The following KIF13A variants were observed in gnomAD, a reference collection of about 807,000 sequenced individuals.
KIF13A encodes the protein kinesin family member 13A.
KIF13A carries 79 observed loss-of-function variants against 212.2 expected under a neutral mutation model. The observed-to-expected ratio is 0.37, with a 90% CI of 0.31 to 0.45. The LOEUF (loss-of-function observed/expected upper bound fraction) is 0.45, where lower values mean the gene tolerates loss of function less well. Among genes scored for constraint, KIF13A ranks in the 20% least tolerant of loss-of-function variants. The probability of loss-of-function intolerance (pLI) is 1.00; values close to 1 mark genes in which losing one functional copy is unlikely to be tolerated. For missense variants in KIF13A, 1,901 were observed against 2,209.0 expected (o/e 0.86, Z 2.79); for synonymous variants, 789 against 808.6 (o/e 0.98, Z 0.41).
intron 16 of KIF13A, among the ~76,000 whole-genome samples, chr6:17,818,978 T>G (rs1243929453): frequency 2.0e-5 from 3 of 151,412 alleles, no homozygotes; most frequent in African/African-American, 7.3e-5. Context: ...AGTCCTGACA[T>G]GAGTTCCTAA....
intron 2 of KIF13A, among the ~76,000 whole-genome samples, chr6:17,983,175 A>C (rs1781242162): frequency 6.6e-6 from 1 of 150,380 alleles, no homozygotes; most frequent in African/African-American, 2.4e-5. Flanking sequence ...TCCATCTCAA[A>C]AAAAAAAAAA....
chr6:17,779,192 G>T, intron 32 of KIF13A, 93 bp from the exon 33 acceptor site: 1 of 873,538 alleles, frequency 1.1e-6, no homozygotes, highest in Non-Finnish European at 1.8e-6. Context: ...TCTGGAGAAT[G>T]AACACATTCT....
At chr6:17,965,862 T>C (rs1779256089) in intron 2 of KIF13A, among the ~76,000 whole-genome samples, 1 of 152,150 alleles carries the variant, frequency 6.6e-6, no homozygotes, top group Non-Finnish European at 1.5e-5. Context: ...CTCAAATAAG[T>C]AGGTGGTTGG....
chr6:17,787,861 G>GT lies in KIF13A; in HGVS notation c.3275dup (p.Asn1092LysfsTer13), dbSNP rs1166990410. Reference sequence around the variant, plus strand: ...CATCTGACCACCTCTCCCTTACGCAGTTTAAGTCTTCTTCCTAACATCAGG... The same window carrying GT: ...CATCTGACCACCTCTCCCTTACGCAGTTTTAAGTCTTCTTCCTAACATCAGG... On this transcript the variant is annotated frameshift_variant, in exon 27 of 39. Coordinates refer to ENST00000259711, the MANE Select transcript of KIF13A (RefSeq NM_022113.6). LOFTEE classifies it high-confidence loss of function. The surrounding 1 kb of genome is among the most constrained non-coding windows in gnomAD (Gnocchi z 4.6). The GT allele has an allele frequency of 6.2e-7, 1 of 1,606,416 alleles. No individual in the cohort carries two copies. Among genetic ancestry groups the GT allele is most frequent in the African/African-American group, 1.3e-5 (1 of 74,770 alleles).
intron 17 of KIF13A, among the ~76,000 whole-genome samples, chr6:17,814,339 C>T (rs903896626): frequency 3.3e-5 from 5 of 150,396 alleles, no homozygotes; most frequent in African/African-American, 2.4e-5. Flanking sequence ...ACCTCTGCCT[C>T]CCGGGTTCAA....
chr6:17,807,071 A>C (rs1411910372), intron 18 of KIF13A, among the ~76,000 whole-genome samples: 1 of 152,222 alleles, frequency 6.6e-6, no homozygotes, highest in African/African-American at 2.4e-5. Flanking sequence ...GATGTACGTC[A>C]TCTCAGGACC....
chr6:17,842,976 G>T (rs1293904528), intron 9 of KIF13A, among the ~76,000 whole-genome samples: 1 of 152,034 alleles, frequency 6.6e-6, no homozygotes, highest in Non-Finnish European at 1.5e-5. Context: ...TATTGCATAG[G>T]ATGGATTTCA....
Position 17,926,900 on chromosome 6 carries a change from G to A in KIF13A, c.147-28720C>T, listed in dbSNP as rs888373501. On this transcript the variant is annotated intron_variant, in intron 2 of 38. Coordinates refer to ENST00000259711, the MANE Select transcript of KIF13A (RefSeq NM_022113.6). This position sits in a 1 kb window ranked among gnomAD's most constrained non-coding sequence, Gnocchi z 4.3. ...TACCTGTAATCTCGGCACTTTGGGA[G>A]GTCGAGGCAGGCAGATCACTTCAGA... Among the ~76,000 whole-genome samples, 2 of 152,158 alleles carry A rather than the reference G, an allele frequency of 1.3e-5. No individual in the cohort carries two copies. Among genetic ancestry groups the A allele is most frequent in the Admixed American group, 1.3e-4 (2 of 15,274 alleles).
At chr6:17,972,472 G>A (rs1482049458) in intron 2 of KIF13A, among the ~76,000 whole-genome samples, 1 of 152,148 alleles carries the variant, frequency 6.6e-6, no homozygotes, top group Non-Finnish European at 1.5e-5. Flanking sequence ...AAATAGGTGG[G>A]CGCCAAAGGC....
chr6:17,913,298 T>TG (rs2150507907), intron 2 of KIF13A, among the ~76,000 whole-genome samples: 1 of 152,256 alleles, frequency 6.6e-6, no homozygotes, highest in Admixed American at 6.5e-5. Context: ...ACTCACAGAA[T>TG]TTTCAGAATT....
intron 2 of KIF13A, among the ~76,000 whole-genome samples, chr6:17,962,726 T>C (rs753263896): frequency 3.9e-5 from 6 of 152,202 alleles, no homozygotes; most frequent in Non-Finnish European, 8.8e-5. Flanking sequence ...GACAAATTCC[T>C]GTGGTCCTCT....
intron 4 of KIF13A, among the ~76,000 whole-genome samples, chr6:17,867,557 T>C (rs1479700842): frequency 6.6e-6 from 1 of 152,170 alleles, no homozygotes; most frequent in Admixed American, 6.5e-5. Context: ...CCACAAGATT[T>C]ATAATAAGGA....
At chr6:17,922,420 T>C (rs1473311154) in intron 2 of KIF13A, among the ~76,000 whole-genome samples, 1 of 151,842 alleles carries the variant, frequency 6.6e-6, no homozygotes, top group Non-Finnish European at 1.5e-5. Flanking sequence ...AATGCAACAG[T>C]TTACAGCAGT....
rs563134883 is a variant in KIF13A at position 17,986,791 on chromosome 6, C to A, written c.146+263G>T. Among the ~76,000 whole-genome samples the A allele has an allele frequency of 1.8e-4, 27 of 152,370 alleles. No homozygotes were observed. In the East Asian group the frequency reaches 5.2e-3, roughly 29 times the overall value. Reference sequence around the variant, plus strand: ...TATGGGGTCCCATCCGGCCCTCTCCCTCCCGGGTGCCTCGCAGCCCGCCCG... The same window carrying A: ...TATGGGGTCCCATCCGGCCCTCTCCATCCCGGGTGCCTCGCAGCCCGCCCG... On this transcript the variant is annotated intron_variant, in intron 2 of 38. Coordinates refer to ENST00000259711, the MANE Select transcript of KIF13A (RefSeq NM_022113.6).
At position 17,850,465 on chromosome 6, in the gene KIF13A, C is replaced by T. The variant is rs1214773494; in HGVS notation, c.583-8G>A. 2.5e-6 allele frequency: 4 copies of T among 1,608,806 alleles called. No individual in the cohort carries two copies. The African/African-American group carries it at 4.0e-5, about 16-fold the overall frequency. ...CATCAATGACTCAATATCCTAGGGG[C>T]AAAGCATAAGGAAAAGACCATAAGC... On this transcript the variant is annotated splice_polypyrimidine_tract_variant and splice_region_variant and intron_variant, in intron 7 of 38. Transcript: ENST00000259711. This position sits in a 1 kb window ranked among gnomAD's most constrained non-coding sequence, Gnocchi z 6.2.
rs889842769 is a variant in KIF13A, at chr6:17,961,458, C to T, written c.146+25596G>A. ...TATTGTAAGCCCTTTATATTCTCCC[C>T]GAATTAGGTTGGACCATGTAGAGTC... On this transcript the variant is annotated intron_variant, in intron 2 of 38. Transcript: ENST00000259711. The surrounding 1 kb of genome is among the most constrained non-coding windows in gnomAD (Gnocchi z 4.1). Among the ~76,000 whole-genome samples, 4 of 152,182 alleles carry T rather than the reference C, an allele frequency of 2.6e-5. No individual in the cohort carries two copies. The highest frequency in any genetic ancestry group is 2.1e-4 in the South Asian group (1 of 4,826).
chr6:17,834,152 A>T lies in KIF13A; in HGVS notation c.1156-81T>A. 1 of 831,830 alleles carries T rather than the reference A, an allele frequency of 1.2e-6. No individual in the cohort carries two copies. The highest frequency in any genetic ancestry group is 1.9e-6 in the Non-Finnish European group (1 of 540,500). The allele number at this position is 831,830 out of a possible 1,614,324, so 51.5% of individuals were successfully genotyped here. ...AAGACAATCAGTTACTGTCCCTCTTAAGCAGTTATCAATAGTCTGTTGGAA... is the reference window on the plus strand; with the variant it reads ...AAGACAATCAGTTACTGTCCCTCTTTAGCAGTTATCAATAGTCTGTTGGAA... On this transcript the variant is annotated intron_variant, in intron 11 of 38. Coordinates refer to ENST00000259711, the MANE Select transcript of KIF13A (RefSeq NM_022113.6). The surrounding 1 kb of genome is among the most constrained non-coding windows in gnomAD (Gnocchi z 4.0).
intron 23 of KIF13A, 65 bp downstream of exon 23, chr6:17,796,604 G>T: frequency 9.0e-7 from 1 of 1,109,874 alleles, no homozygotes; most frequent in Non-Finnish European, 1.2e-6. Context: ...GCCAGAGTAG[G>T]TTCAGAGACT....
Position 17,771,779 on chromosome 6 carries a change from G to C in KIF13A, c.4476+129C>G, listed in dbSNP as rs1759519869. On this transcript the variant is annotated intron_variant, in intron 37 of 38. Transcript: ENST00000259711. The surrounding 1 kb of genome is among the most constrained non-coding windows in gnomAD (Gnocchi z 5.4). ...GCATGCTTGAGAAAGAGGAATTCGA[G>C]AACGGGAACCATGGAGTGATGACCG... 1.3e-6 allele frequency: 1 copy of C among 781,456 alleles called. No individual in the cohort carries two copies. Among genetic ancestry groups the C allele is most frequent in the Non-Finnish European group, 2.1e-6 (1 of 482,822 alleles). The allele number at this position is 781,456 out of a possible 1,614,324, so 48.4% of individuals were successfully genotyped here. A position where few individuals can be genotyped will look rare whatever the true frequency, so the allele number is the denominator to read the frequency against.
Sources: gnomAD v4.1 joint callset for allele counts (sites outside exome capture counted in the v4.1 genomes callset) on GRCh38, gnomAD v4.1.1 for gene constraint, Gnocchi (gnomAD v3.1) non-coding constraint, MANE v1.5 for transcripts, NCBI Gene and HGNC (gene_info 2026-07-23, HGNC 2026-07-21) for gene names.